HECW1: variants seen among roughly 807,000 people sequenced by gnomAD.
The protein encoded by HECW1 is HECT, C2 and WW domain containing E3 ubiquitin protein ligase 1.
A neutral mutation model predicts 182.3 loss-of-function variants in HECW1; 61 were observed. That is an observed-to-expected ratio of 0.33 (90% CI 0.27 to 0.41). HECW1 has a LOEUF of 0.41. Ranked by LOEUF, HECW1 falls within the 10% of genes least tolerant of loss-of-function variation. HECW1 has a pLI of 1.00. For synonymous variants in HECW1, 859 were observed against 832.6 expected, an observed-to-expected ratio of 1.03 and a Z score of -0.55; for missense variants, 1,739 against 2,108.9, an observed-to-expected ratio of 0.82 and a Z score of 3.44.
chr7:43,173,484 C>G (rs902380994), intron 2 of HECW1, among the ~76,000 whole-genome samples: 1 of 152,144 alleles, frequency 6.6e-6, no homozygotes, highest in African/African-American at 2.4e-5. Flanking sequence ...AGGGACTGGT[C>G]TCATGGAAGA....
chr7:43,300,636 AAC>A (rs1806635543), intron 3 of HECW1, among the ~76,000 whole-genome samples: 1 of 152,210 alleles, frequency 6.6e-6, no homozygotes. Flanking sequence ...CTGAGACATC[AAC>A]ACTGAATTTA....
chr7:43,259,125 A>G (rs1486067019), intron 3 of HECW1, among the ~76,000 whole-genome samples: 1 of 152,202 alleles, frequency 6.6e-6, no homozygotes, highest in Non-Finnish European at 1.5e-5. Context: ...CAGCAGCTCA[A>G]CCTGTAATTC....
At chr7:43,499,384 G>A (rs2079245054) in intron 19 of HECW1, among the ~76,000 whole-genome samples, 2 of 151,862 alleles carry the variant, frequency 1.3e-5, no homozygotes, top group Admixed American at 6.6e-5. Context: ...CACAAGAATC[G>A]TTTGAACGCA....
At chr7:43,348,720 A>G (rs1038278088) in intron 5 of HECW1, among the ~76,000 whole-genome samples, 7 of 152,156 alleles carry the variant, frequency 4.6e-5, no homozygotes, top group African/African-American at 1.7e-4. Flanking sequence ...CATTATTGTC[A>G]TTCAGTTCAA....
chr7:43,181,655 C>T (rs1038329779), intron 2 of HECW1, among the ~76,000 whole-genome samples: 2 of 150,686 alleles, frequency 1.3e-5, no homozygotes, highest in Non-Finnish European at 2.9e-5. Flanking sequence ...CTATTCAGAT[C>T]TTTTGTTCAT....
At chr7:43,208,398 C>T (rs1431104469) in intron 2 of HECW1, among the ~76,000 whole-genome samples, 1 of 152,184 alleles carries the variant, frequency 6.6e-6, no homozygotes, top group African/African-American at 2.4e-5. Flanking sequence ...TGAAAGGTGA[C>T]ATTCTTATTT....
At chr7:43,316,910 C>T (rs1238569513) in intron 4 of HECW1, among the ~76,000 whole-genome samples, 1 of 150,104 alleles carries the variant, frequency 6.7e-6, no homozygotes, top group African/African-American at 2.5e-5. Context: ...TCCCATGCAG[C>T]CATGTTCTGG....
intron 11 of HECW1, among the ~76,000 whole-genome samples, chr7:43,447,069 A>G (rs981302321): frequency 3.3e-5 from 5 of 152,226 alleles, no homozygotes; most frequent in Admixed American, 6.5e-5. Context: ...GTTGGGTTAC[A>G]GAGGTCTGTA....
chr7:43,552,731 T>C (rs1306299850), intron 28 of HECW1, among the ~76,000 whole-genome samples: 2 of 152,226 alleles, frequency 1.3e-5, no homozygotes, highest in African/African-American at 4.8e-5. Flanking sequence ...CCATGTTGTA[T>C]GTAGCATGTT....
intron 4 of HECW1, among the ~76,000 whole-genome samples, chr7:43,319,786 T>TTTTTTTC (rs1809860136): frequency 6.9e-6 from 1 of 144,480 alleles, no homozygotes. Flanking sequence ...TTTTTTTTTT[T>TTTTTTTC]TTTTTTGGTA....
intron 2 of HECW1, among the ~76,000 whole-genome samples, chr7:43,212,781 C>T (rs1000688822): frequency 2.0e-5 from 3 of 152,120 alleles, no homozygotes; most frequent in Non-Finnish European, 4.4e-5. Context: ...AGTCATATTT[C>T]TAATATTCTT....
At chr7:43,256,540 C>T (rs1409634483) in intron 3 of HECW1, among the ~76,000 whole-genome samples, 2 of 145,688 alleles carry the variant, frequency 1.4e-5, no homozygotes, top group East Asian at 4.0e-4. Flanking sequence ...ACCTGGGAGG[C>T]AGAGGTTGCA....
chr7:43,126,693 G>A (rs1021179377), intron 2 of HECW1, among the ~76,000 whole-genome samples: 3 of 152,090 alleles, frequency 2.0e-5, no homozygotes, highest in South Asian at 2.1e-4. Flanking sequence ...CAAGTCTATC[G>A]GTGCCATTTT....
Position 43,541,936 on chromosome 7 carries a change from G to A in HECW1, c.4186G>A (p.Asp1396Asn). 6.4e-7 allele frequency: 1 copy of A among 1,562,202 alleles called. No homozygotes were observed. Among genetic ancestry groups the A allele is most frequent in the Non-Finnish European group, 8.7e-7 (1 of 1,153,944 alleles). The change falls in exon 26 of 30, where the codon GAC (aspartate) becomes AAC (asparagine). Residue 1396 changes from aspartate to asparagine, a missense_variant. By Grantham distance (23) the Asp-to-Asn change is conservative. Coordinates refer to ENST00000395891, the MANE Select transcript of HECW1 (RefSeq NM_015052.5). ...EFHQSLQWMK[D>N]NNITDILDLT... The stretch of plus-strand genomic sequence containing the variant: ...CCACCAGAGTTTGCAGTGGATGAAG[G>A]ACAACAACATCACAGACATCTTAGA...
intron 5 of HECW1, among the ~76,000 whole-genome samples, chr7:43,333,813 G>A (rs1811792242): frequency 6.6e-6 from 1 of 152,156 alleles, no homozygotes; most frequent in Non-Finnish European, 1.5e-5. Flanking sequence ...GCCACAGGGA[G>A]ATAACAGAGT....
At chr7:43,474,968 G>A (rs1390290271) in intron 16 of HECW1, among the ~76,000 whole-genome samples, 2 of 152,118 alleles carry the variant, frequency 1.3e-5, no homozygotes, top group Non-Finnish European at 1.5e-5. Flanking sequence ...GGTTCCCAGG[G>A]GCTTCAAGGA....
At chr7:43,215,390 C>T (rs1201760505) in intron 2 of HECW1, among the ~76,000 whole-genome samples, 2 of 152,238 alleles carry the variant, frequency 1.3e-5, no homozygotes, top group East Asian at 1.9e-4. Context: ...GCTGGCTAGA[C>T]GGCAATCCTA....
chr7:43,527,008 T>A (rs2080784887), intron 24 of HECW1, among the ~76,000 whole-genome samples: 2 of 151,892 alleles, frequency 1.3e-5, no homozygotes, highest in Admixed American at 6.6e-5. Context: ...AAAGAAAAAA[T>A]TTTTGAGGCT....
intron 3 of HECW1, among the ~76,000 whole-genome samples, chr7:43,264,417 G>A (rs777620055): frequency 2.6e-5 from 4 of 151,962 alleles, no homozygotes; most frequent in Non-Finnish European, 5.9e-5. Context: ...TGCAAATAAC[G>A]GAATTTTACT....
Sources: allele counts gnomAD v4.1 joint callset (sites outside exome capture counted in the v4.1 genomes callset), GRCh38; gene constraint gnomAD v4.1.1; transcripts MANE v1.5; gene names NCBI Gene and HGNC (gene_info 2026-07-23, HGNC 2026-07-21).